The following ITPR1 variants were observed in gnomAD, a reference collection of about 807,000 sequenced individuals.
The protein encoded by ITPR1 is inositol 1,4,5-trisphosphate-gated calcium channel ITPR1.
Under a neutral mutation model 318.4 loss-of-function variants are expected in ITPR1, and 96 were observed. The ratio of observed to expected loss-of-function variants is 0.30; its 90% CI spans 0.26 to 0.36. The LOEUF (loss-of-function observed/expected upper bound fraction) is 0.36, where lower values mean the gene tolerates loss of function less well. Ranked by LOEUF, ITPR1 falls within the 10% of genes least tolerant of loss-of-function variation. The pLI is 1.00. For synonymous variants in ITPR1, 1,312 were observed against 1,289.9 expected, an observed-to-expected ratio of 1.02 and a Z score of -0.37; for missense variants, 2,440 against 3,460.2, an observed-to-expected ratio of 0.71 and a Z score of 7.40.
intron 4 of ITPR1, among the ~76,000 whole-genome samples, chr3:4,582,350 C>G (rs761171684): frequency 7.9e-5 from 12 of 152,138 alleles, no homozygotes; most frequent in Non-Finnish European, 1.5e-4. Flanking sequence ...TGTCCTCCCC[C>G]ACCCCCGCCA....
intron 4 of ITPR1, among the ~76,000 whole-genome samples, chr3:4,576,124 C>A (rs1041213807): frequency 2.6e-5 from 4 of 150,972 alleles, no homozygotes; most frequent in African/African-American, 9.7e-5. Flanking sequence ...TGAACAAAAT[C>A]ATAATAGGCA....
chr3:4,760,011 G>T (rs2045322668), intron 44 of ITPR1, among the ~76,000 whole-genome samples: 1 of 152,234 alleles, frequency 6.6e-6, no homozygotes, highest in Non-Finnish European at 1.5e-5. Flanking sequence ...TGGTGCTGAG[G>T]ATCTGCCCGC....
chr3:4,781,623 G>C (rs2046843318), intron 49 of ITPR1, among the ~76,000 whole-genome samples: 1 of 152,174 alleles, frequency 6.6e-6, no homozygotes, highest in South Asian at 2.1e-4. Context: ...TCACATCCCA[G>C]CTCACCACCT....
At chr3:4,808,062 C>T (rs1427268333) in intron 55 of ITPR1, among the ~76,000 whole-genome samples, 1 of 152,236 alleles carries the variant, frequency 6.6e-6, no homozygotes, top group Non-Finnish European at 1.5e-5. Flanking sequence ...CTCTTCATCA[C>T]TTGCAATGCA....
At chr3:4,687,702 T>C (rs1024316495) in intron 30 of ITPR1, among the ~76,000 whole-genome samples, 1 of 152,242 alleles carries the variant, frequency 6.6e-6, no homozygotes, top group Non-Finnish European at 1.5e-5. Flanking sequence ...AATTGGCTTA[T>C]TACGGAATAT....
chr3:4,806,710 G>A (rs962523429), intron 55 of ITPR1, among the ~76,000 whole-genome samples: 2 of 152,108 alleles, frequency 1.3e-5, no homozygotes, highest in Non-Finnish European at 2.9e-5. Flanking sequence ...TTGAAGCCCC[G>A]GGATTCATGA....
At chr3:4,740,738 G>A (rs1216569438) in intron 44 of ITPR1, among the ~76,000 whole-genome samples, 3 of 152,156 alleles carry the variant, frequency 2.0e-5, no homozygotes, top group African/African-American at 7.2e-5. Context: ...CTACCTGGCT[G>A]CCATCAGAGC....
chr3:4,605,476 T>C (rs1197683715), intron 4 of ITPR1, among the ~76,000 whole-genome samples: 2 of 152,162 alleles, frequency 1.3e-5, no homozygotes, highest in Non-Finnish European at 2.9e-5. Flanking sequence ...TTAGATTTGC[T>C]GAAGTTGATA....
intron 4 of ITPR1, among the ~76,000 whole-genome samples, chr3:4,586,922 T>C (rs4684422): frequency 0.85 from 128,646 of 151,974 alleles, 54,535 homozygotes; most frequent in South Asian, 0.89. Context: ...CTCTTGTTCA[T>C]ACACCTCTTA....
chr3:4,583,423 C>G (rs769389259), intron 4 of ITPR1, among the ~76,000 whole-genome samples: 2 of 152,070 alleles, frequency 1.3e-5, no homozygotes. Flanking sequence ...TTAGCAGCTT[C>G]GTGGGTTTGA....
chr3:4,659,591 G>A (rs1368519496), intron 13 of ITPR1, among the ~76,000 whole-genome samples: 1 of 152,014 alleles, frequency 6.6e-6, no homozygotes, highest in Non-Finnish European at 1.5e-5. Flanking sequence ...GAAGGCTGAG[G>A]TGGGAGTATC....
intron 44 of ITPR1, among the ~76,000 whole-genome samples, chr3:4,746,230 C>A (rs2044098788): frequency 6.6e-6 from 1 of 152,210 alleles, no homozygotes; most frequent in Admixed American, 6.5e-5. Flanking sequence ...ACGCGGTTGT[C>A]AGTGATGCCC....
intron 51 of ITPR1, among the ~76,000 whole-genome samples, chr3:4,784,309 C>T (rs561360260): frequency 3.9e-5 from 6 of 152,080 alleles, no homozygotes; most frequent in Non-Finnish European, 8.8e-5. Flanking sequence ...AGGAACTTTT[C>T]AGACATGGGG....
rs1216503063 is a variant in ITPR1 at position 4,813,222 on chromosome 3, G to C, written c.7549G>C (p.Ala2517Pro). The change falls in exon 57 of 62, where the codon GCA (alanine) becomes CCA (proline). Residue 2517 changes from alanine to proline, a missense_variant. Physicochemically the swap from Ala to Pro is conservative, Grantham distance 27. Around this residue, in one of 23 missense-constraint regions of ITPR1, gnomAD observed 88 missense variants for 90.5 expected, o/e 0.97. Transcript: ENST00000649015. ...GAGTGGGGAGAACTGCTCCTCTCCT[G>C]CACCCAGAGAAGGTAGGACCTCCTA... ...VESGENCSSP[A>P]PREELVPAEE... 1 of 1,610,390 alleles carries C rather than the reference G, an allele frequency of 6.2e-7. No individual in the cohort carries two copies. Among genetic ancestry groups the C allele is most frequent in the African/African-American group, 1.3e-5 (1 of 74,966 alleles).
At chr3:4,513,253 G>C (rs1035218865) in intron 2 of ITPR1, among the ~76,000 whole-genome samples, 1 of 152,100 alleles carries the variant, frequency 6.6e-6, no homozygotes, top group Non-Finnish European at 1.5e-5. Context: ...TGACTTTCCC[G>C]GCCTTTGTTT....
At chr3:4,784,053 G>GCCCAGGACCTA in intron 51 of ITPR1, 133 bp downstream of exon 51, 1 of 639,352 alleles carries the variant, frequency 1.6e-6, no homozygotes, top group Non-Finnish European at 2.7e-6. Context: ...CTAGGTCCTG[G>GCCCAGGACCTA]GCTGGGTGCT....
intron 34 of ITPR1, among the ~76,000 whole-genome samples, 172 bp downstream of exon 34, chr3:4,697,444 A>C (rs2094577928): frequency 2.3e-5 from 2 of 85,460 alleles, no homozygotes; most frequent in Non-Finnish European, 5.7e-5. Context: ...CTTCTCATGT[A>C]TCCTTTCTTC....
intron 60 of ITPR1, among the ~76,000 whole-genome samples, chr3:4,820,226 T>C (rs1448204121): frequency 6.6e-6 from 1 of 152,224 alleles, no homozygotes; most frequent in Admixed American, 6.5e-5. Flanking sequence ...CCTGTCCACA[T>C]GCACAGATAA....
intron 44 of ITPR1, among the ~76,000 whole-genome samples, chr3:4,763,039 G>A (rs543140747): frequency 3.3e-5 from 5 of 152,294 alleles, no homozygotes; most frequent in African/African-American, 7.2e-5. Flanking sequence ...GAATGAGATC[G>A]TGTCCTTTGC....
Sources: allele counts gnomAD v4.1 joint callset (sites outside exome capture counted in the v4.1 genomes callset), GRCh38; gene constraint gnomAD v4.1.1; regional missense constraint gnomAD v4.1.1; transcripts MANE v1.5; gene names NCBI Gene and HGNC (gene_info 2026-07-23, HGNC 2026-07-21).